Variants in SNCAIP observed in about 807,000 individuals in gnomAD.
SNCAIP encodes the protein synuclein alpha interacting protein.
Under a neutral mutation model 86.7 loss-of-function variants are expected in SNCAIP, and 43 were observed. The ratio of observed to expected loss-of-function variants is 0.50; its 90% confidence interval spans 0.39 to 0.64. The LOEUF is 0.64. SNCAIP is among the 30% of genes least tolerant of loss of function. SNCAIP has a pLI of 0.00. For synonymous variants in SNCAIP, 417 were observed against 427.2 expected (o/e 0.98, Z 0.29); for missense variants, 981 against 1,103.1 (o/e 0.89, Z 1.57).
In SNCAIP at chr5:122,451,033, G is replaced by T. The variant is rs968813755; in HGVS notation, c.2186G>T (p.Gly729Val). The T allele has an allele frequency of 6.2e-7, 1 of 1,614,002 alleles. No individual in the cohort carries two copies. Among genetic ancestry groups the T allele is most frequent in the Non-Finnish European group, 8.5e-7 (1 of 1,180,028 alleles). ...ATTAAGAAACACACCTTGGCATCAG[G>T]GGGACGCAGGTTTCCTTTCAGCATC... ...LMIKKHTLAS[G>V]GRRFPFSIKA... The change falls in exon 10 of 11, where the codon GGG (glycine) becomes GTG (valine). Residue 729 changes from glycine (G) to valine (V), a missense_variant. Physicochemically the swap from Gly to Val is moderately radical, Grantham distance 109 (BLOSUM62 -3). Transcript: ENST00000261368.
chr5:122,431,194 T>C (rs535654792), intron 5 of SNCAIP, among the ~76,000 whole-genome samples: 4 of 152,224 alleles, frequency 2.6e-5, no homozygotes, highest in Non-Finnish European at 4.4e-5. Context: ...TGGAAACTAG[T>C]TTGGTGGCTT....
In SNCAIP at chr5:122,451,255, C is replaced by A; in HGVS notation, c.2408C>A (p.Ser803Tyr). 6.2e-7 allele frequency: 1 copy of A among 1,614,202 alleles called. No individual in the cohort carries two copies. Among genetic ancestry groups the A allele is most frequent in the Non-Finnish European group, 8.5e-7 (1 of 1,180,016 alleles). Residue 803 changes from serine (S) to tyrosine (Y), a missense_variant, in exon 10 of 11, where the codon TCT (serine) becomes TAT (tyrosine). Coordinates refer to ENST00000261368, the MANE Select transcript of SNCAIP (RefSeq NM_005460.4). The stretch of plus-strand genomic sequence containing the variant: ...CCCAAGAGTGCCCTCAAGTCTCCAT[C>A]TTCCAAGCGTAGGACATCTCAGAAC... The part of the protein sequence containing the change: ...TSPKSALKSP[S>Y]SKRRTSQNLK...
At chr5:122,398,866 G>A (rs765635126) in intron 2 of SNCAIP, among the ~76,000 whole-genome samples, 1 of 152,052 alleles carries the variant, frequency 6.6e-6, no homozygotes, top group Non-Finnish European at 1.5e-5. Context: ...TAGAAATCAC[G>A]CACTGTCATT....
chr5:122,386,405 G>T (rs1768136122), intron 1 of SNCAIP, among the ~76,000 whole-genome samples: 1 of 152,180 alleles, frequency 6.6e-6, no homozygotes, highest in African/African-American at 2.4e-5. Flanking sequence ...AGGTGACATG[G>T]TGTTGATAGA....
At chr5:122,448,588 A>C (rs1782839231) in intron 8 of SNCAIP, among the ~76,000 whole-genome samples, 2 of 142,116 alleles carry the variant, frequency 1.4e-5, no homozygotes, top group Admixed American at 1.5e-4. Flanking sequence ...TATTTTATAT[A>C]TATTTTTATA....
Position 122,418,695 on chromosome 5 carries a change from T to C in SNCAIP, c.131-4173T>C, listed in dbSNP as rs887311149. Among the ~76,000 whole-genome samples, 7 of 152,292 alleles carry C rather than the reference T, an allele frequency of 4.6e-5. No homozygotes were observed. In the East Asian group the frequency reaches 1.3e-3, roughly 29 times the overall value. On this transcript the variant is annotated intron_variant, in intron 3 of 10. Transcript: ENST00000261368. The stretch of plus-strand genomic sequence containing the variant: ...ATTAATTAGTAAGAAAAAAGAGAAT[T>C]TGAAAGGCCAATAGCATTCTCACTC...
At chr5:122,371,334 G>T (rs1320770213) in intron 1 of SNCAIP, 1 of 151,826 alleles carries the variant, frequency 6.6e-6, no homozygotes, top group African/African-American at 2.4e-5. Context: ...ATTACTTCAG[G>T]TGGTCATTGT....
intron 1 of SNCAIP, among the ~76,000 whole-genome samples, chr5:122,366,530 A>G (rs934506793): frequency 1.4e-4 from 21 of 152,204 alleles, no homozygotes; most frequent in Non-Finnish European, 1.6e-4. Context: ...TGTTCACACC[A>G]TTCATTGGCA....
At chr5:122,401,125 A>G in intron 2 of SNCAIP, 1 of 1,549,308 alleles carries the variant, frequency 6.5e-7, no homozygotes, top group Non-Finnish European at 8.7e-7. Context: ...CCTGAGAATG[A>G]GGTATGTTGG....
At chr5:122,425,202 T>G in intron 4 of SNCAIP, 150 bp from the exon 5 acceptor site, 2 of 730,394 alleles carry the variant, frequency 2.7e-6, no homozygotes, top group African/African-American at 1.7e-5. Flanking sequence ...TAACAAAGAA[T>G]AATAGCAAGA....
At position 122,450,721 on chromosome 5, in the gene SNCAIP, G is replaced by T. The variant is rs762552739; in HGVS notation, c.1874G>T (p.Gly625Val). Residue 625 changes from glycine to valine, a missense_variant, in exon 10 of 11, where the codon GGA (glycine) becomes GTA (valine). Physicochemically the swap from Gly to Val is moderately radical, Grantham distance 109 (BLOSUM62 -3). Coordinates refer to ENST00000261368, the MANE Select transcript of SNCAIP (RefSeq NM_005460.4). ...GATAAAATCTTACGCCAGTTATTGG[G>T]AAAGGAAATCTCAGAAAATGTCTGC... ...DSDKILRQLL[G>V]KEISENVCTQ... 2.5e-6 allele frequency: 4 copies of T among 1,614,052 alleles called. No homozygotes were observed. In the African/African-American group the frequency reaches 4.0e-5, roughly 16 times the overall value.
At chr5:122,432,318 T>C in intron 6 of SNCAIP, among the ~76,000 whole-genome samples, 1 of 152,128 alleles carries the variant, frequency 6.6e-6, no homozygotes, top group East Asian at 1.9e-4. Context: ...ATTGATGACA[T>C]TTTATGGGAA....
At chr5:122,453,023 C>A in intron 10 of SNCAIP, 1 of 1,425,946 alleles carries the variant, frequency 7.0e-7, no homozygotes. Flanking sequence ...ATATGCTGTG[C>A]GGCATTGACA....
chr5:122,362,259 C>T (rs928001141), intron 1 of SNCAIP, among the ~76,000 whole-genome samples: 2 of 152,156 alleles, frequency 1.3e-5, no homozygotes, highest in Admixed American at 1.3e-4. Context: ...CAGTGAGTCC[C>T]CACCTCTTAA....
intron 1 of SNCAIP, among the ~76,000 whole-genome samples, chr5:122,355,560 C>T (rs1205293184): frequency 6.6e-6 from 1 of 152,154 alleles, no homozygotes; most frequent in Non-Finnish European, 1.5e-5. Context: ...AGTGTTTCCT[C>T]TCGTTGTCTT....
intron 10 of SNCAIP, among the ~76,000 whole-genome samples, chr5:122,452,217 A>C (rs1249441415): frequency 6.6e-6 from 1 of 152,216 alleles, no homozygotes; most frequent in East Asian, 1.9e-4. Context: ...TATGCCATGA[A>C]CTACATTTTA....
intron 1 of SNCAIP, among the ~76,000 whole-genome samples, chr5:122,381,303 T>G (rs1368852214): frequency 5.2e-4 from 74 of 142,406 alleles, no homozygotes; most frequent in South Asian, 7.2e-4. Context: ...TAATGGCCTT[T>G]TTTGTCTCTT....
At chr5:122,323,877 A>G (rs779019367) in intron 1 of SNCAIP, among the ~76,000 whole-genome samples, 3 of 151,950 alleles carry the variant, frequency 2.0e-5, no homozygotes, top group African/African-American at 2.4e-5. Context: ...CCCCCCTCCA[A>G]TCCCCTCCCT....
intron 2 of SNCAIP, among the ~76,000 whole-genome samples, chr5:122,402,880 CA>C (rs1378829400): frequency 1.3e-5 from 2 of 152,030 alleles, no homozygotes; most frequent in Non-Finnish European, 2.9e-5. Flanking sequence ...AGGTAAAAAG[CA>C]AAATAGTTTC....
Sources: allele counts gnomAD v4.1 joint callset (sites outside exome capture counted in the v4.1 genomes callset), GRCh38; gene constraint gnomAD v4.1.1; transcripts MANE v1.5; gene names NCBI Gene and HGNC (gene_info 2026-07-23, HGNC 2026-07-21).